The following RANGAP1 variants were observed in gnomAD, a reference collection of about 807,000 sequenced individuals.
The protein encoded by RANGAP1 is ran GTPase-activating protein 1.
In RANGAP1, 38 loss-of-function variants were observed where a neutral mutation model predicts 63.5. That is an observed-to-expected ratio of 0.60 (90% CI 0.46 to 0.78). The LOEUF is 0.78. RANGAP1 is among the 30% of genes least tolerant of loss of function. RANGAP1 has a pLI of 0.00. For missense variants in RANGAP1, 630 were observed against 740.3 expected, an observed-to-expected ratio of 0.85 and a Z score of 1.73; for synonymous variants, 329 against 310.5, an observed-to-expected ratio of 1.06 and a Z score of -0.63.
intron 4 of RANGAP1, among the ~76,000 whole-genome samples, chr22:41,265,121 T>A (rs536569902): frequency 3.0e-4 from 45 of 152,166 alleles, no homozygotes; most frequent in Non-Finnish European, 6.0e-4. Flanking sequence ...CTAGTCAACA[T>A]GAAAAGACTC....
At chr22:41,261,156 G>A (rs2034145316) in intron 6 of RANGAP1, among the ~76,000 whole-genome samples, 1 of 152,236 alleles carries the variant, frequency 6.6e-6, no homozygotes, top group African/African-American at 2.4e-5. Flanking sequence ...TCTGAGCCTG[G>A]CAGATGACAC....
chr22:41,294,246 G>T, the RANGAP1 span, among the ~76,000 whole-genome samples: 1 of 152,246 alleles, frequency 6.6e-6, no homozygotes. Context: ...TGGAGACGGG[G>T]TTTCGCTGTG....
chr22:41,257,941 G>T lies in RANGAP1; in HGVS notation c.774+7C>A. 1 of 1,594,090 alleles carries T rather than the reference G, an allele frequency of 6.3e-7. No homozygotes were observed. The highest frequency in any genetic ancestry group is 8.6e-7 in the Non-Finnish European group (1 of 1,167,636). On this transcript the variant is annotated splice_region_variant and intron_variant, in intron 7 of 15. Coordinates refer to ENST00000356244, the MANE Select transcript of RANGAP1 (RefSeq NM_002883.4). The surrounding 1 kb of genome is among the most constrained non-coding windows in gnomAD (Gnocchi z 4.0). ...GGGCCCAACTGGCTCTGCCACACTC[G>T]CCTCACCTCGGCCATGGCCACGGCG...
Position 41,246,628 on chromosome 22 carries a change from A to C in RANGAP1, c.1739T>G (p.Leu580Arg). ...CTAGACCTTGTACAGCGTCTGCAGC[A>C]GACTGTGGCGGGCGAAGGAGCAGGA... ...LESCSFARHS[L>R]LQTLYKV Residue 580 changes from leucine (L) to arginine (R), a missense_variant, in exon 16 of 16, where the codon CTG becomes CGG. Physicochemically the swap from Leu to Arg is moderately radical, Grantham distance 102. Around this residue, in one of 3 missense-constraint regions of RANGAP1, gnomAD observed 428 missense variants for 465.5 expected, o/e 0.92. Transcript: ENST00000356244. 1 of 1,584,036 alleles carries C rather than the reference A, an allele frequency of 6.3e-7. No individual in the cohort carries two copies. Among genetic ancestry groups the C allele is most frequent in the South Asian group, 1.2e-5 (1 of 86,540 alleles).
chr22:41,287,179 G>C (rs2035771758), upstream of RANGAP1, among the ~76,000 whole-genome samples: 1 of 152,080 alleles, frequency 6.6e-6, no homozygotes, highest in Non-Finnish European at 1.5e-5. Context: ...GAAATAATTA[G>C]GGACAAAAAG....
rs370562287 is a variant in RANGAP1, at chr22:41,246,637, C to T, written c.1730G>A (p.Arg577His). Residue 577 changes from arginine to histidine, a missense_variant, in exon 16 of 16, where the codon CGC becomes CAC. By Grantham distance (29) the Arg-to-His change is conservative (BLOSUM62 0). Around this residue, in one of 3 missense-constraint regions of RANGAP1, gnomAD observed 428 missense variants for 465.5 expected, o/e 0.92. Transcript: ENST00000356244. ...GTACAGCGTCTGCAGCAGACTGTGGCGGGCGAAGGAGCAGGATTCCAGGGC... is the reference window on the plus strand; with the variant it reads ...GTACAGCGTCTGCAGCAGACTGTGGTGGGCGAAGGAGCAGGATTCCAGGGC... ...NSALESCSFA[R>H]HSLLQTLYKV The T allele has an allele frequency of 1.1e-5, 17 of 1,564,450 alleles. No homozygotes were observed. The highest frequency in any genetic ancestry group is 1.9e-5 in the Admixed American group (1 of 52,542).
intron 5 of RANGAP1, 36 bp from the exon 6 acceptor site, chr22:41,261,616 G>A: frequency 1.9e-6 from 3 of 1,613,710 alleles, no homozygotes; most frequent in Non-Finnish European, 2.5e-6. Context: ...GTCATGGGCA[G>A]GAGCCCCTTC....
At chr22:41,275,850 C>T (rs2035110408) in intron 2 of RANGAP1, among the ~76,000 whole-genome samples, 1 of 151,450 alleles carries the variant, frequency 6.6e-6, no homozygotes, top group Non-Finnish European at 1.5e-5. Flanking sequence ...GGAGGCTGAG[C>T]TGGGAGGATC....
At chr22:41,258,539 C>T (rs937366827) in intron 6 of RANGAP1, among the ~76,000 whole-genome samples, 11 of 152,250 alleles carry the variant, frequency 7.2e-5, no homozygotes, top group South Asian at 2.1e-4. Context: ...ATAACCCCTT[C>T]GACATGGCGT....
intron 14 of RANGAP1, 98 bp downstream of exon 14, chr22:41,249,631 G>A: frequency 6.5e-7 from 1 of 1,532,298 alleles, no homozygotes; most frequent in South Asian, 1.1e-5. Context: ...AGCCGGCTCA[G>A]GACTCGAGGT....
At chr22:41,251,649 T>C (rs976760782) in intron 12 of RANGAP1, among the ~76,000 whole-genome samples, 1 of 151,882 alleles carries the variant, frequency 6.6e-6, no homozygotes, top group Non-Finnish European at 1.5e-5. Flanking sequence ...AAAAAATCAT[T>C]TCAGGGATCC....
At chr22:41,293,469 T>C in the RANGAP1 span, among the ~76,000 whole-genome samples, 15 of 151,834 alleles carry the variant, frequency 9.9e-5, no homozygotes, top group Non-Finnish European at 2.9e-5. Flanking sequence ...TTAGTATAAA[T>C]GCAAAAGAGC....
intron 2 of RANGAP1, among the ~76,000 whole-genome samples, chr22:41,279,303 C>T (rs893902207): frequency 6.6e-6 from 1 of 152,090 alleles, no homozygotes; most frequent in Non-Finnish European, 1.5e-5. Flanking sequence ...AACCCCATCC[C>T]TACTAAAATA....
rs1228775921 is a variant in RANGAP1 at position 41,254,324 on chromosome 22, A to T, written c.1244T>A (p.Leu415Gln). ...EKSATPSRKI[L>Q]DPNTGEPAPV... ...GAAACTCACCCCAGTGTTAGGGTCC[A>T]GAATCTTCCGTGAGGGCGTGGCTGA... Residue 415 changes from leucine (L) to glutamine (Q), a missense_variant, in exon 11 of 16, where the codon CTG (leucine) becomes CAG (glutamine). Leu to Gln is a moderately radical substitution (Grantham distance 113). Around this residue, in one of 3 missense-constraint regions of RANGAP1, gnomAD observed 428 missense variants for 465.5 expected, o/e 0.92. Transcript: ENST00000356244. The T allele has an allele frequency of 6.2e-7, 1 of 1,614,148 alleles. No individual in the cohort carries two copies. Among genetic ancestry groups the T allele is most frequent in the East Asian group, 2.2e-5 (1 of 44,878 alleles).
Position 41,251,082 on chromosome 22 carries a change from C to G in RANGAP1, c.1408G>C (p.Val470Leu), listed in dbSNP as rs1322820983. ...GATGACACCTTTAGGAAGGCAGAGA[C>G]CACCTTCTCGGGGTCAGACGTGTCA... ...QTDTSDPEKV[V>L]SAFLKVSSVF... The change falls in exon 13 of 16, where the codon GTC (valine) becomes CTC (leucine). Residue 470 changes from valine to leucine, a missense_variant. Coordinates refer to ENST00000356244, the MANE Select transcript of RANGAP1 (RefSeq NM_002883.4). 1.2e-6 allele frequency: 2 copies of G among 1,614,100 alleles called. No homozygotes were observed. The highest frequency in any genetic ancestry group is 1.7e-5 in the Admixed American group (1 of 60,016).
intron 11 of RANGAP1, 61 bp downstream of exon 11, chr22:41,254,247 G>A: frequency 6.3e-7 from 1 of 1,593,552 alleles, no homozygotes. Flanking sequence ...TTGTGAAAGT[G>A]CCTCGGGATT....
chr22:41,277,717 T>A (rs2035240871), intron 2 of RANGAP1, among the ~76,000 whole-genome samples: 1 of 152,166 alleles, frequency 6.6e-6, no homozygotes, highest in Non-Finnish European at 1.5e-5. Flanking sequence ...CACTTCCAGA[T>A]GCCAGGGGAT....
chr22:41,279,241 G>A (rs150255182), intron 2 of RANGAP1, among the ~76,000 whole-genome samples: 42 of 152,086 alleles, frequency 2.8e-4, no homozygotes, highest in African/African-American at 8.0e-4. Flanking sequence ...GGGCTGAGGC[G>A]GGCGAATCAC....
chr22:41,247,435 T>C (rs73430509), intron 15 of RANGAP1, among the ~76,000 whole-genome samples: 6,317 of 152,100 alleles, frequency 0.042, 433 homozygotes, highest in African/African-American at 0.14. Context: ...CCCTGCATCC[T>C]CGACTTCCCA....
Sources: gnomAD v4.1 joint callset for allele counts (sites outside exome capture counted in the v4.1 genomes callset) on GRCh38, gnomAD v4.1.1 for gene constraint, gnomAD v4.1.1 regional missense constraint, Gnocchi (gnomAD v3.1) non-coding constraint, MANE v1.5 for transcripts, NCBI Gene and HGNC (gene_info 2026-07-23, HGNC 2026-07-21) for gene names.